Variants in SHANK2 observed in about 807,000 individuals in gnomAD.
The protein encoded by SHANK2 is SH3 and multiple ankyrin repeat domains 2, also known as SH3 and multiple ankyrin repeat domains protein 2.
A neutral mutation model predicts 133.7 loss-of-function variants in SHANK2; 43 were observed. The observed-to-expected ratio is 0.32, with a 90% confidence interval of 0.25 to 0.41. SHANK2 has a LOEUF of 0.41. SHANK2 is among the 10% of genes least tolerant of loss of function. The pLI is 1.00. For missense variants in SHANK2, 1,994 were observed against 2,235.8 expected (o/e 0.89, Z 2.18); for synonymous variants, 1,017 against 952.8 (o/e 1.07, Z -1.24).
At chr11:70,767,672 G>T (rs1318885902) in intron 14 of SHANK2, among the ~76,000 whole-genome samples, 10 of 152,110 alleles carry the variant, frequency 6.6e-5, no homozygotes, top group African/African-American at 2.4e-4. Flanking sequence ...GTGATGAGAA[G>T]TAGATTAGTG....
chr11:70,593,305 T>C (rs568002399), intron 17 of SHANK2, among the ~76,000 whole-genome samples: 9 of 151,912 alleles, frequency 5.9e-5, no homozygotes, highest in African/African-American at 2.2e-4. Flanking sequence ...GAATGTTGCA[T>C]TTAACAGTGA....
chr11:71,205,248 C>T (rs1954105536), intron 2 of SHANK2, among the ~76,000 whole-genome samples: 1 of 152,218 alleles, frequency 6.6e-6, no homozygotes, highest in Non-Finnish European at 1.5e-5. Flanking sequence ...CCTTTTCTCA[C>T]AGTCACCACC....
At chr11:70,745,977 G>A (rs1184114304) in intron 14 of SHANK2, among the ~76,000 whole-genome samples, 1 of 152,214 alleles carries the variant, frequency 6.6e-6, no homozygotes, top group Non-Finnish European at 1.5e-5. Context: ...GAAGGCAGCT[G>A]AGCACATGCA....
In SHANK2 at chr11:70,893,206, T is replaced by C. The variant is rs150550050; in HGVS notation, c.1174+3295A>G. Among the ~76,000 whole-genome samples the C allele has an allele frequency of 9.8e-3, 1,499 of 152,334 alleles. 12 individuals carry two copies. The highest frequency in any genetic ancestry group is 0.017 in the Middle Eastern group (5 of 294). On this transcript the variant is annotated intron_variant, in intron 11 of 25. Transcript: ENST00000601538. ...AACTGTTTTCACTGTGGTTACTCAT[T>C]CATTCACCCAGAAGTTGGGCAGCTT...
intron 3 of SHANK2, among the ~76,000 whole-genome samples, chr11:71,142,227 G>A (rs1397580988): frequency 3.3e-5 from 5 of 152,302 alleles, no homozygotes; most frequent in South Asian, 2.1e-4. Context: ...GGCCGGGCGC[G>A]GTGGCTCACG....
chr11:70,883,192 G>T (rs1949683864), intron 11 of SHANK2, among the ~76,000 whole-genome samples: 1 of 152,144 alleles, frequency 6.6e-6, no homozygotes, highest in Non-Finnish European at 1.5e-5. Flanking sequence ...CTGTCATTAG[G>T]ATTGAGCACT....
At chr11:71,209,859 C>G (rs1395935786) in intron 2 of SHANK2, among the ~76,000 whole-genome samples, 3 of 152,020 alleles carry the variant, frequency 2.0e-5, no homozygotes, top group Non-Finnish European at 2.9e-5. Flanking sequence ...TGCCTGGCAC[C>G]CCGTGGGGGC....
At chr11:70,629,289 G>C (rs1343063408) in intron 17 of SHANK2, among the ~76,000 whole-genome samples, 2 of 152,214 alleles carry the variant, frequency 1.3e-5, no homozygotes, top group African/African-American at 4.8e-5. Flanking sequence ...CTGCCGAAAA[G>C]GCTGGGAGAG....
intron 22 of SHANK2, among the ~76,000 whole-genome samples, chr11:70,491,522 A>G (rs1408366114): frequency 6.6e-6 from 1 of 152,262 alleles, no homozygotes. Flanking sequence ...AATGCACATT[A>G]CAGAAAAGCC....
intron 10 of SHANK2, among the ~76,000 whole-genome samples, chr11:70,900,618 C>T (rs1333955645): frequency 6.6e-6 from 1 of 152,162 alleles, no homozygotes; most frequent in African/African-American, 2.4e-5. Context: ...GCCCAGGCAC[C>T]TCCCTGCTGG....
rs7944687 is a variant in SHANK2 at position 70,913,965 on chromosome 11, C to T, written c.1108-17398G>A. Among the ~76,000 whole-genome samples the T allele has an allele frequency of 2.3e-3, 354 of 152,346 alleles. 3 individuals carry two copies. The highest frequency in any genetic ancestry group is 7.0e-3 in the African/African-American group (293 of 41,584). On this transcript the variant is annotated intron_variant, in intron 10 of 25. Transcript: ENST00000601538. ...AAAGCAGCTGGCATCAGGGTGTTCT[C>T]GTTAGAGCAGTGCTGTGAGTGTTTA...
chr11:70,581,613 C>T (rs980837949), intron 17 of SHANK2, among the ~76,000 whole-genome samples: 1 of 152,348 alleles, frequency 6.6e-6, no homozygotes, highest in East Asian at 1.9e-4. Context: ...ATCACTTGAA[C>T]CCGGGAGGCG....
intron 10 of SHANK2, among the ~76,000 whole-genome samples, chr11:70,920,053 A>G (rs1165145668): frequency 1.3e-5 from 2 of 152,228 alleles, no homozygotes; most frequent in South Asian, 2.1e-4. Flanking sequence ...GTTACTTAAC[A>G]TCTCTGAGCC....
At chr11:70,786,478 A>G (rs1457197202) in intron 14 of SHANK2, among the ~76,000 whole-genome samples, 3 of 152,162 alleles carry the variant, frequency 2.0e-5, no homozygotes, top group African/African-American at 7.2e-5. Context: ...CAATTCTTGT[A>G]TGCGTATGGA....
intron 2 of SHANK2, among the ~76,000 whole-genome samples, chr11:71,190,132 C>T (rs1245452714): frequency 6.6e-6 from 1 of 152,252 alleles, no homozygotes; most frequent in Non-Finnish European, 1.5e-5. Flanking sequence ...GAAAAAGAAA[C>T]CAGCCAAGCA....
At chr11:70,933,820 T>G (rs1950533030) in intron 10 of SHANK2, among the ~76,000 whole-genome samples, 1 of 149,556 alleles carries the variant, frequency 6.7e-6, no homozygotes, top group South Asian at 2.1e-4. Flanking sequence ...CTCGGGAGGC[T>G]GAGGCAGGAG....
chr11:71,163,773 G>T (rs553493564), intron 2 of SHANK2, among the ~76,000 whole-genome samples: 1 of 152,150 alleles, frequency 6.6e-6, no homozygotes, highest in African/African-American at 2.4e-5. Context: ...AGTGAAATTC[G>T]GATCAATTCA....
At chr11:70,579,485 G>T (rs1477536904) in intron 17 of SHANK2, among the ~76,000 whole-genome samples, 1 of 152,176 alleles carries the variant, frequency 6.6e-6, no homozygotes, top group Non-Finnish European at 1.5e-5. Context: ...TTGGGTGATG[G>T]TATGAATGTA....
In SHANK2 at chr11:71,175,083, C is replaced by CAT. The variant is rs59345680; in HGVS notation, c.-12-27746_-12-27745insAT. Among the ~76,000 whole-genome samples, 106,401 of 151,862 alleles carry CAT rather than the reference C, an allele frequency of 0.7. 38,459 individuals are homozygous for CAT. Among genetic ancestry groups the CAT allele is most frequent in the East Asian group, 0.95 (4,929 of 5,176 alleles). On this transcript the variant is annotated intron_variant, in intron 2 of 25. Coordinates refer to ENST00000601538, the MANE Select transcript of SHANK2 (RefSeq NM_012309.5). This position sits in a 1 kb window ranked among gnomAD's most constrained non-coding sequence, Gnocchi z 4.2. ...TTTCTGCAGCTACAAAACACACACA[C>CAT]GGTCGCATATGTGCATTTACCAGAG...
Sources: allele counts gnomAD v4.1 joint callset (sites outside exome capture counted in the v4.1 genomes callset), GRCh38; gene constraint gnomAD v4.1.1; non-coding constraint Gnocchi (gnomAD v3.1); transcripts MANE v1.5; gene names NCBI Gene and HGNC (gene_info 2026-07-23, HGNC 2026-07-21).